The following OCM variants were observed in gnomAD, a reference collection of about 807,000 sequenced individuals.
OCM encodes the protein oncomodulin.
A neutral mutation model predicts 14.1 loss-of-function variants in OCM; 18 were observed. The ratio of observed to expected loss-of-function variants is 1.28; its 90% CI spans 0.88 to 1.89. The LOEUF (loss-of-function observed/expected upper bound fraction) is 1.89, where lower values mean the gene tolerates loss of function less well. OCM is among the 40% of genes most tolerant of loss of function. The pLI is 0.00. For missense variants in OCM, 140 were observed against 137.6 expected, an observed-to-expected ratio of 1.02 and a Z score of -0.09; for synonymous variants, 48 against 51.0, an observed-to-expected ratio of 0.94 and a Z score of 0.25.
At chr7:5,884,050 C>G (rs767647015) in intron 3 of OCM, 51 bp downstream of exon 3, 5 of 1,605,166 alleles carry the variant, frequency 3.1e-6, no homozygotes, top group Non-Finnish European at 4.3e-6. Context: ...AGGAAGCATC[C>G]GTGAGGGCTT....
At position 5,882,529 on chromosome 7, in the gene OCM, C is replaced by T. The variant is rs540351540; in HGVS notation, c.98C>T (p.Thr33Ile). 240 of 1,614,184 alleles carry T rather than the reference C, an allele frequency of 1.5e-4. 2 individuals are homozygous for T. The South Asian group carries it at 2.6e-3, about 17-fold the overall frequency. Reference sequence around the variant, plus strand: ...TTTGAACCCCAAAAATTCTTCCAGACATCAGGCCTCTCCAAGATGTCAGCC... The same window carrying T: ...TTTGAACCCCAAAAATTCTTCCAGATATCAGGCCTCTCCAAGATGTCAGCC... ...DTFEPQKFFQTSGLSKMSANQ... is the reference protein window; with the variant it reads ...DTFEPQKFFQISGLSKMSANQ... The change falls in exon 2 of 4, where the codon ACA becomes ATA. Residue 33 changes from threonine (T) to isoleucine (I), a missense_variant. By Grantham distance (89) the Thr-to-Ile change is moderately conservative (BLOSUM62 -1). Transcript: ENST00000242104.
At chr7:5,883,426 T>A (rs1162476907) in intron 2 of OCM, among the ~76,000 whole-genome samples, 1 of 151,938 alleles carries the variant, frequency 6.6e-6, no homozygotes, top group Non-Finnish European at 1.5e-5. Context: ...ACACCTACAA[T>A]CCCAGCCCTT....
At chr7:5,877,345 A>G (rs1781114738), upstream of OCM, among the ~76,000 whole-genome samples, 1 of 151,370 alleles carries the variant, frequency 6.6e-6, no homozygotes, top group South Asian at 2.1e-4. Flanking sequence ...GTGTGTGCCT[A>G]TAGTCCCAGC....
intron 1 of OCM, 54 bp from the exon 2 acceptor site, chr7:5,882,439 C>T (rs1781236513): frequency 6.3e-7 from 1 of 1,596,918 alleles, no homozygotes; most frequent in African/African-American, 1.3e-5. Flanking sequence ...ACCTTGGCCC[C>T]AACATAGAAT....
At chr7:5,871,627 G>A in the OCM span, 1 of 152,320 alleles carries the variant, frequency 6.6e-6, no homozygotes, top group African/African-American at 2.4e-5. Flanking sequence ...ATGGGTGTGA[G>A]ACCTGTAGTC....
the OCM span, among the ~76,000 whole-genome samples, chr7:5,864,250 G>C: frequency 6.6e-6 from 1 of 151,524 alleles, no homozygotes; most frequent in African/African-American, 2.4e-5. Flanking sequence ...GGATGCTATG[G>C]TAGGGGAAAT....
At chr7:5,876,702 C>G (rs372098808), upstream of OCM, among the ~76,000 whole-genome samples, 1 of 152,242 alleles carries the variant, frequency 6.6e-6, no homozygotes, top group South Asian at 2.1e-4. Context: ...AGGGCGTATA[C>G]CATCCTGGTA....
the OCM span, among the ~76,000 whole-genome samples, chr7:5,864,684 G>T: frequency 1.2e-4 from 19 of 152,080 alleles, no homozygotes; most frequent in East Asian, 1.7e-3. Flanking sequence ...GCCGGGCACC[G>T]TGGCTCACAC....
chr7:5,864,289 G>A, the OCM span, among the ~76,000 whole-genome samples: 3 of 151,524 alleles, frequency 2.0e-5, no homozygotes, highest in African/African-American at 7.3e-5. Context: ...TGAGGCTGCG[G>A]TGAGCTGTGA....
upstream of OCM, chr7:5,880,655 A>T (rs1000147379): frequency 1.8e-5 from 8 of 436,656 alleles, no homozygotes; most frequent in Non-Finnish European, 3.3e-5. Context: ...GCTACTGGGA[A>T]GGCTTAGGCA....
At chr7:5,868,173 G>C in the OCM span, among the ~76,000 whole-genome samples, 1 of 150,858 alleles carries the variant, frequency 6.6e-6, no homozygotes, top group Non-Finnish European at 1.5e-5. Flanking sequence ...TTGTTTTTTT[G>C]GAGACAGGGC....
chr7:5,860,817 C>CAT, the OCM span, among the ~76,000 whole-genome samples: 3 of 146,026 alleles, frequency 2.1e-5, no homozygotes, highest in African/African-American at 7.6e-5. Context: ...TACACACATA[C>CAT]ATATATATAC....
chr7:5,884,012 GT>G lies in OCM; in HGVS notation c.304+14del. ...ATTGGAGCAGAGGGTATGTCCACAC[GT>G]GTACGTAGCATAAAACACTCTAGCT... is the stretch of plus-strand genomic sequence containing the variant. On this transcript the variant is annotated intron_variant, in intron 3 of 3. Coordinates refer to ENST00000242104, the MANE Select transcript of OCM (RefSeq NM_001097622.2). 6.2e-7 allele frequency: 1 copy of G among 1,611,074 alleles called. No homozygotes were observed. The highest frequency in any genetic ancestry group is 2.2e-5 in the East Asian group (1 of 44,838).
the OCM span, among the ~76,000 whole-genome samples, chr7:5,861,673 C>T: frequency 6.6e-6 from 1 of 152,024 alleles, no homozygotes; most frequent in Non-Finnish European, 1.5e-5. Flanking sequence ...ATGGGTCAGC[C>T]CTCCTCATTT....
chr7:5,881,888 A>G (rs1781222324), intron 1 of OCM, among the ~76,000 whole-genome samples: 2 of 151,874 alleles, frequency 1.3e-5, no homozygotes, highest in Non-Finnish European at 2.9e-5. Flanking sequence ...GGAGTTCAAG[A>G]CCAACCTGGC....
intron 2 of OCM, among the ~76,000 whole-genome samples, chr7:5,883,616 A>G (rs529910498): frequency 8.0e-5 from 12 of 149,166 alleles, no homozygotes; most frequent in Middle Eastern, 3.6e-3. Flanking sequence ...GAGCCCAGGA[A>G]GTCGAGGCTG....
chr7:5,863,659 G>A, the OCM span, among the ~76,000 whole-genome samples: 85 of 151,774 alleles, frequency 5.6e-4, 1 homozygote, highest in African/African-American at 1.9e-3. Flanking sequence ...CAGCCTTCCA[G>A]GTAGCTGGGA....
At chr7:5,867,785 G>A in the OCM span, among the ~76,000 whole-genome samples, 1 of 151,972 alleles carries the variant, frequency 6.6e-6, no homozygotes, top group Non-Finnish European at 1.5e-5. Flanking sequence ...TTTCTAAGAT[G>A]GGGTCTTGCT....
chr7:5,882,176 T>C (rs565367865), intron 1 of OCM, among the ~76,000 whole-genome samples: 8 of 148,064 alleles, frequency 5.4e-5, no homozygotes, highest in African/African-American at 1.8e-4. Flanking sequence ...CCCTACCAAT[T>C]AGACCAGGGA....
Sources: allele counts gnomAD v4.1 joint callset (sites outside exome capture counted in the v4.1 genomes callset), GRCh38; gene constraint gnomAD v4.1.1; transcripts MANE v1.5; gene names NCBI Gene and HGNC (gene_info 2026-07-23, HGNC 2026-07-21).